The following ADCY2 variants were observed in gnomAD, a reference collection of about 807,000 sequenced individuals.
ADCY2 encodes adenylate cyclase 2.
A neutral mutation model predicts 125.2 loss-of-function variants in ADCY2; 31 were observed. That is an observed-to-expected ratio of 0.25 (90% CI 0.19 to 0.33). The LOEUF (loss-of-function observed/expected upper bound fraction) is 0.33, where lower values mean the gene tolerates loss of function less well. ADCY2 is among the 10% of genes least tolerant of loss of function. ADCY2 has a pLI of 1.00. For missense variants in ADCY2, 904 were observed against 1,418.2 expected, an observed-to-expected ratio of 0.64 and a Z score of 5.82; for synonymous variants, 512 against 548.4, an observed-to-expected ratio of 0.93 and a Z score of 0.93.
chr5:7,523,353 A>G (rs1744533193), intron 3 of ADCY2, among the ~76,000 whole-genome samples: 1 of 152,014 alleles, frequency 6.6e-6, no homozygotes, highest in African/African-American at 2.4e-5. Flanking sequence ...TGGAATCTTA[A>G]ATTTTTATTT....
intron 17 of ADCY2, among the ~76,000 whole-genome samples, chr5:7,769,355 A>C (rs528637205): frequency 1.5e-4 from 23 of 152,354 alleles, no homozygotes; most frequent in Non-Finnish European, 3.1e-4. Context: ...TTGTAAAAAA[A>C]TTAATGACAT....
intron 3 of ADCY2, among the ~76,000 whole-genome samples, chr5:7,614,148 A>G (rs976590471): frequency 3.9e-5 from 6 of 152,346 alleles, no homozygotes; most frequent in African/African-American, 1.4e-4. Context: ...CATGCATCTC[A>G]TGAGTGTCAA....
chr5:7,792,756 T>C (rs1460132496), intron 20 of ADCY2, among the ~76,000 whole-genome samples: 1 of 152,218 alleles, frequency 6.6e-6, no homozygotes, highest in Non-Finnish European at 1.5e-5. Flanking sequence ...CAAATCTTAC[T>C]CCCAACATTG....
intron 2 of ADCY2, among the ~76,000 whole-genome samples, chr5:7,421,163 G>T (rs1740189759): frequency 6.6e-6 from 1 of 152,194 alleles, no homozygotes; most frequent in African/African-American, 2.4e-5. Flanking sequence ...TTCAAAAAGA[G>T]CAGTCATTTG....
chr5:7,500,554 C>T (rs539407223), intron 2 of ADCY2, among the ~76,000 whole-genome samples: 19 of 152,188 alleles, frequency 1.2e-4, no homozygotes, highest in South Asian at 4.1e-4. Flanking sequence ...AGTCTTTCTC[C>T]GTCAAGCACA....
chr5:7,658,728 A>C (rs931694633), intron 4 of ADCY2, among the ~76,000 whole-genome samples: 1 of 152,190 alleles, frequency 6.6e-6, no homozygotes, highest in Non-Finnish European at 1.5e-5. Flanking sequence ...AAAGACATTT[A>C]AGTTTGGTTC....
At chr5:7,764,128 G>A (rs1183415472) in intron 16 of ADCY2, among the ~76,000 whole-genome samples, 1 of 152,142 alleles carries the variant, frequency 6.6e-6, no homozygotes, top group South Asian at 2.1e-4. Context: ...TGAATTGTGC[G>A]ATTTTAACAG....
chr5:7,631,278 A>G (rs962206674), intron 4 of ADCY2, among the ~76,000 whole-genome samples: 4 of 152,234 alleles, frequency 2.6e-5, no homozygotes, highest in African/African-American at 9.6e-5. Context: ...AACCTAACAT[A>G]GTCCCAGATT....
chr5:7,560,516 C>T (rs1735675008), intron 3 of ADCY2, among the ~76,000 whole-genome samples: 1 of 152,022 alleles, frequency 6.6e-6, no homozygotes, highest in South Asian at 2.1e-4. Flanking sequence ...TAACTGCCTG[C>T]ATTTTTTTAA....
At position 7,827,313 on chromosome 5, in the gene ADCY2, G is replaced by A. The variant is rs1396159365; in HGVS notation, c.*442G>A. ...ATTCTGTCCCCCACGTGGACTCTGT[G>A]CTCACCCATTGTCTCATTGCCAGTG... On this transcript the variant is annotated 3_prime_UTR_variant, in exon 25 of 25. Transcript: ENST00000338316. The A allele has an allele frequency of 6.2e-6, 1 of 161,662 alleles. No individual in the cohort carries two copies. Among genetic ancestry groups the A allele is most frequent in the African/African-American group, 2.4e-5 (1 of 41,550 alleles). 10.0% of individuals were successfully genotyped at this position (161,662 alleles called of 1,614,324 possible).
Position 7,475,784 on chromosome 5 carries a change from T to C in ADCY2, c.409-44954T>C, listed in dbSNP as rs1438118142. On this transcript the variant is annotated intron_variant, in intron 2 of 24. Transcript: ENST00000338316. The stretch of plus-strand genomic sequence containing the variant: ...CAGGCTTTGGAGGAGGGCAGAAGCC[T>C]GCACTCCTTTCCGAAATGAGGAGAC... Among the ~76,000 whole-genome samples the C allele has an allele frequency of 2.6e-5, 4 of 152,194 alleles. No individual in the cohort carries two copies. The East Asian group carries it at 7.7e-4, about 29-fold the overall frequency.
intron 22 of ADCY2, among the ~76,000 whole-genome samples, chr5:7,815,081 C>T (rs149779517): frequency 2.6e-4 from 40 of 152,322 alleles, no homozygotes; most frequent in African/African-American, 9.6e-4. Flanking sequence ...GCGTGCTTCT[C>T]GAATGCACAG....
chr5:7,768,816 C>T (rs746818525), intron 17 of ADCY2, among the ~76,000 whole-genome samples: 1 of 152,160 alleles, frequency 6.6e-6, no homozygotes, highest in Non-Finnish European at 1.5e-5. Context: ...AATCATGAGG[C>T]CTTGAAGATC....
At chr5:7,666,117 C>T (rs1382454055) in intron 4 of ADCY2, among the ~76,000 whole-genome samples, 2 of 151,610 alleles carry the variant, frequency 1.3e-5, no homozygotes, top group Admixed American at 1.3e-4. Flanking sequence ...GGATTACAGG[C>T]GTGAGCCACT....
intron 1 of ADCY2, among the ~76,000 whole-genome samples, chr5:7,411,364 C>G (rs1024980398): frequency 6.6e-6 from 1 of 152,152 alleles, no homozygotes; most frequent in Admixed American, 6.5e-5. Context: ...CACCTGCTAA[C>G]GTCACCCATC....
intron 4 of ADCY2, among the ~76,000 whole-genome samples, chr5:7,676,632 CTTGT>C: frequency 6.6e-6 from 1 of 152,220 alleles, no homozygotes; most frequent in East Asian, 1.9e-4. Flanking sequence ...CATTGTCTGT[CTTGT>C]TTGTTTTAAG....
intron 13 of ADCY2, among the ~76,000 whole-genome samples, chr5:7,726,719 T>C (rs189698419): frequency 7.9e-5 from 12 of 152,282 alleles, no homozygotes; most frequent in Admixed American, 7.8e-4. Context: ...TAAAATAAAA[T>C]ACTAAAATAA....
At chr5:7,711,907 C>G (rs1741452981) in intron 10 of ADCY2, among the ~76,000 whole-genome samples, 1 of 152,194 alleles carries the variant, frequency 6.6e-6, no homozygotes, top group Non-Finnish European at 1.5e-5. Flanking sequence ...CTGTGTGTCT[C>G]ACTCACTTTC....
chr5:7,663,827 T>A (rs1739620163), intron 4 of ADCY2, among the ~76,000 whole-genome samples: 3 of 152,192 alleles, frequency 2.0e-5, no homozygotes, highest in Admixed American at 6.5e-5. Context: ...TGCAGAGTTT[T>A]GCATAGCTCA....
Sources: allele counts gnomAD v4.1 joint callset (sites outside exome capture counted in the v4.1 genomes callset), GRCh38; gene constraint gnomAD v4.1.1; transcripts MANE v1.5; gene names NCBI Gene and HGNC (gene_info 2026-07-23, HGNC 2026-07-21).